MOB3B: variants seen among roughly 807,000 people sequenced by gnomAD.
The protein encoded by MOB3B is MOB kinase activator-like 2B.
Under a neutral mutation model 18.7 loss-of-function variants are expected in MOB3B, and 7 were observed. The observed-to-expected ratio is 0.37, with a 90% CI of 0.21 to 0.70. MOB3B has a LOEUF of 0.70. MOB3B is among the 30% of genes least tolerant of loss of function. MOB3B has a pLI of 0.52. For synonymous variants in MOB3B, 111 were observed against 99.9 expected (o/e 1.11, Z -0.66); for missense variants, 253 against 281.3 (o/e 0.90, Z 0.72).
intron 2 of MOB3B, among the ~76,000 whole-genome samples, chr9:27,446,955 G>A (rs1177211850): frequency 2.0e-5 from 3 of 152,054 alleles, no homozygotes; most frequent in Admixed American, 1.3e-4. Flanking sequence ...ATATGATTAT[G>A]TGAAAGAAAA....
At chr9:27,505,703 T>C (rs559350871) in intron 1 of MOB3B, among the ~76,000 whole-genome samples, 14 of 152,350 alleles carry the variant, frequency 9.2e-5, no homozygotes, top group Admixed American at 2.0e-4. Context: ...ACCAGAATTA[T>C]ATTAATTCTC....
intron 2 of MOB3B, among the ~76,000 whole-genome samples, chr9:27,407,000 G>A (rs1264569169): frequency 6.6e-6 from 1 of 151,988 alleles, no homozygotes; most frequent in African/African-American, 2.4e-5. Flanking sequence ...CACCATGCCT[G>A]GCTAATTTTT....
intron 3 of MOB3B, among the ~76,000 whole-genome samples, chr9:27,334,635 G>A (rs1820836436): frequency 6.6e-6 from 1 of 152,164 alleles, no homozygotes. Flanking sequence ...TCAAATCTTA[G>A]TCTAACCTCA....
intron 2 of MOB3B, among the ~76,000 whole-genome samples, chr9:27,385,553 C>G (rs1821640591): frequency 6.6e-6 from 1 of 152,180 alleles, no homozygotes; most frequent in Non-Finnish European, 1.5e-5. Flanking sequence ...CCAACTTAAA[C>G]AGCTCTGTTC....
rs564260925 is a variant in MOB3B, at chr9:27,371,926, T to C, written c.419-12690A>G. Among the ~76,000 whole-genome samples the C allele has an allele frequency of 4.6e-5, 7 of 152,328 alleles. No individual in the cohort carries two copies. In the South Asian group the frequency reaches 1.2e-3, roughly 27 times the overall value. On this transcript the variant is annotated intron_variant, in intron 2 of 3. Transcript: ENST00000262244. ...TTTTCAAACGTTTTATTTATTAACA[T>C]TATTTAGTCTTATATAGCTCACTCA...
At chr9:27,367,338 T>C (rs752557667) in intron 2 of MOB3B, among the ~76,000 whole-genome samples, 12 of 152,214 alleles carry the variant, frequency 7.9e-5, no homozygotes, top group Non-Finnish European at 1.6e-4. Flanking sequence ...TTTCATCTCA[T>C]GCAAATACGA....
chr9:27,352,371 C>CAAAAA (rs372959856), intron 3 of MOB3B, among the ~76,000 whole-genome samples: 2 of 68,328 alleles, frequency 2.9e-5, no homozygotes, highest in Admixed American at 1.6e-4. Flanking sequence ...GACCCTGTCT[C>CAAAAA]AAAAAAAAAA....
Position 27,503,163 on chromosome 9 carries a change from C to T in MOB3B, c.-199+26392G>A, listed in dbSNP as rs556547188. The stretch of plus-strand genomic sequence containing the variant: ...TAGACTGGAGGAAGAACATGACACA[C>T]GTGTGAGGTCTAAGAACCAGAAGAA... On this transcript the variant is annotated intron_variant, in intron 1 of 3. Transcript: ENST00000262244. Among the ~76,000 whole-genome samples the T allele has an allele frequency of 7.3e-4, 111 of 151,982 alleles. 1 individual carries two copies. The South Asian group carries it at 0.021, about 29-fold the overall frequency.
At position 27,489,741 on chromosome 9, in the gene MOB3B, C is replaced by CTTTTTTTT. The variant is rs66757462; in HGVS notation, c.-198-34001_-198-33994dup. Among the ~76,000 whole-genome samples, 15 of 73,118 alleles carry CTTTTTTTT rather than the reference C, an allele frequency of 2.1e-4. 3 individuals are homozygous for CTTTTTTTT. Among genetic ancestry groups the CTTTTTTTT allele is most frequent in the South Asian group, 6.1e-4 (1 of 1,648 alleles). 48.0% of individuals were successfully genotyped at this position (73,118 alleles called of 152,430 possible). A position where few individuals can be genotyped will look rare whatever the true frequency, so the allele number is the denominator to read the frequency against. On this transcript the variant is annotated intron_variant, in intron 1 of 3. Coordinates refer to ENST00000262244, the MANE Select transcript of MOB3B (RefSeq NM_024761.5). ...ACATCACACCAGATAAGGAAATAAT[C>CTTTTTTTT]TTTTTTTTTTTTTGGTCCAACAGGG... is the stretch of plus-strand genomic sequence containing the variant.
intron 2 of MOB3B, among the ~76,000 whole-genome samples, chr9:27,449,245 TGTCAA>T (rs1044262190): frequency 1.3e-5 from 2 of 152,236 alleles, no homozygotes; most frequent in African/African-American, 4.8e-5. Flanking sequence ...TTAAAAATCT[TGTCAA>T]GTCTTTTAAA....
chr9:27,451,195 G>A (rs541243219), intron 2 of MOB3B, among the ~76,000 whole-genome samples: 51 of 152,226 alleles, frequency 3.4e-4, no homozygotes, highest in Non-Finnish European at 5.9e-4. Flanking sequence ...AATTAGTCAG[G>A]CAATAGAATT....
At chr9:27,523,106 C>A (rs929733943) in intron 1 of MOB3B, among the ~76,000 whole-genome samples, 5 of 151,996 alleles carry the variant, frequency 3.3e-5, no homozygotes, top group South Asian at 2.1e-4. Context: ...GACTTAATTG[C>A]AAATTAATGT....
At chr9:27,342,705 T>C (rs10738770) in intron 3 of MOB3B, among the ~76,000 whole-genome samples, 115,620 of 152,010 alleles carry the variant, frequency 0.76, 44,239 homozygotes, top group Middle Eastern at 0.83. Flanking sequence ...TGACCACGAG[T>C]GATCTGCCTG....
At chr9:27,469,552 G>A (rs1266925763) in intron 1 of MOB3B, among the ~76,000 whole-genome samples, 1 of 152,194 alleles carries the variant, frequency 6.6e-6, no homozygotes, top group African/African-American at 2.4e-5. Context: ...TGACAGGATT[G>A]TACAGCAGGA....
At chr9:27,352,244 G>T (rs1427251627) in intron 3 of MOB3B, among the ~76,000 whole-genome samples, 1 of 151,948 alleles carries the variant, frequency 6.6e-6, no homozygotes, top group Non-Finnish European at 1.5e-5. Context: ...AGCCAGGTGT[G>T]GTGACATGTG....
intron 2 of MOB3B, among the ~76,000 whole-genome samples, chr9:27,371,924 CATT>C (rs891936477): frequency 1.3e-5 from 2 of 152,020 alleles, no homozygotes; most frequent in Non-Finnish European, 2.9e-5. Flanking sequence ...TATTTATTAA[CATT>C]ATTTAGTCTT....
At chr9:27,430,069 G>A (rs1822395509) in intron 2 of MOB3B, among the ~76,000 whole-genome samples, 1 of 152,174 alleles carries the variant, frequency 6.6e-6, no homozygotes, top group African/African-American at 2.4e-5. Flanking sequence ...TCCCAGAGCT[G>A]TTGCTTAAAC....
chr9:27,391,898 A>G (rs2131383178), intron 2 of MOB3B: 1 of 152,248 alleles, frequency 6.6e-6, no homozygotes, highest in East Asian at 1.9e-4. Flanking sequence ...TATTTTAACC[A>G]AAAATAGATG....
rs1440372941 is a variant in MOB3B at position 27,391,432 on chromosome 9, A to T, written c.419-32196T>A. ...TTATTTTTGTGTCCTGGATAAACTG[A>T]TTCACCTCTCTTGGGTCAATAATCC... On this transcript the variant is annotated intron_variant, in intron 2 of 3. Transcript: ENST00000262244. Among the ~76,000 whole-genome samples the T allele has an allele frequency of 2.6e-5, 4 of 152,176 alleles. No individual in the cohort carries two copies. In the East Asian group the frequency reaches 7.7e-4, roughly 29 times the overall value.
Sources: allele counts gnomAD v4.1 joint callset (sites outside exome capture counted in the v4.1 genomes callset), GRCh38; gene constraint gnomAD v4.1.1; transcripts MANE v1.5; gene names NCBI Gene and HGNC (gene_info 2026-07-23, HGNC 2026-07-21).